The following FILIP1 variants were observed in gnomAD, a reference collection of about 807,000 sequenced individuals.
FILIP1 encodes filamin-A-interacting protein 1.
In FILIP1, 61 loss-of-function variants were observed where a neutral mutation model predicts 102.1. The observed-to-expected ratio is 0.60, with a 90% CI of 0.49 to 0.74. FILIP1 has a LOEUF of 0.74. Ranked by LOEUF, FILIP1 falls within the 30% of genes least tolerant of loss-of-function variation. The pLI, the probability that FILIP1 is intolerant of heterozygous loss-of-function variation, is 0.00. For missense variants in FILIP1, 1,314 were observed against 1,441.2 expected (o/e 0.91, Z 1.43); for synonymous variants, 491 against 526.9 (o/e 0.93, Z 0.93).
chr6:75,365,485 C>G (rs1775298701), intron 2 of FILIP1, among the ~76,000 whole-genome samples: 1 of 152,180 alleles, frequency 6.6e-6, no homozygotes, highest in African/African-American at 2.4e-5. Flanking sequence ...ATTCTCCTGC[C>G]TCCTCAGCAA....
At chr6:75,400,809 T>C (rs1776630516) in intron 2 of FILIP1, among the ~76,000 whole-genome samples, 1 of 152,040 alleles carries the variant, frequency 6.6e-6, no homozygotes, top group East Asian at 1.9e-4. Context: ...AAAGAGACAC[T>C]TTACTTTTAG....
At chr6:75,374,838 C>A (rs1169283019) in intron 2 of FILIP1, among the ~76,000 whole-genome samples, 1 of 152,232 alleles carries the variant, frequency 6.6e-6, no homozygotes, top group Admixed American at 6.5e-5. Context: ...ATCTCTGGTA[C>A]AACTCTGTTT....
intron 2 of FILIP1, among the ~76,000 whole-genome samples, chr6:75,385,409 G>T (rs2808194): frequency 0.037 from 5,628 of 152,246 alleles, 366 homozygotes; most frequent in African/African-American, 0.13. Context: ...ATAGCAGCTT[G>T]TCAATAGCAG....
intron 1 of FILIP1, among the ~76,000 whole-genome samples, chr6:75,483,205 T>C (rs924985719): frequency 4.6e-5 from 7 of 152,284 alleles, no homozygotes; most frequent in Admixed American, 2.6e-4. Flanking sequence ...TACCTAAAAA[T>C]GTAGATTTTA....
rs73463780 is a variant in FILIP1 at position 75,484,517 on chromosome 6, G to C, written c.-7+8897C>G. Among the ~76,000 whole-genome samples, 1,479 of 152,236 alleles carry C rather than the reference G, an allele frequency of 9.7e-3. 32 individuals carry two copies. Among genetic ancestry groups the C allele is most frequent in the African/African-American group, 0.034 (1,415 of 41,524 alleles). ...ATAACAGGTTCTCAATATTGGATGC[G>C]AATTAAAATCACACAAAAGCTTAGA... On this transcript the variant is annotated intron_variant, in intron 1 of 5. Coordinates refer to ENST00000237172, the MANE Select transcript of FILIP1 (RefSeq NM_015687.5).
intron 2 of FILIP1, among the ~76,000 whole-genome samples, chr6:75,407,910 G>A (rs2951933): frequency 0.057 from 8,628 of 152,162 alleles, 686 homozygotes; most frequent in African/African-American, 0.17. Flanking sequence ...CTGCACAAAT[G>A]TCCTTTTGCC....
rs534838266 is a variant in FILIP1, at chr6:75,477,259, T to G, written c.-7+16155A>C. ...TAGAAATAGAGAGTAAAATGATGGT[T>G]ACCGGACGCTTGGAGTTGGGGAGAG... On this transcript the variant is annotated intron_variant, in intron 1 of 5. Coordinates refer to ENST00000237172, the MANE Select transcript of FILIP1 (RefSeq NM_015687.5). Among the ~76,000 whole-genome samples the G allele has an allele frequency of 3.2e-4, 49 of 152,286 alleles. 1 individual carries two copies. The highest frequency in any genetic ancestry group is 1.2e-3 in the African/African-American group (48 of 41,562).
chr6:75,350,974 C>T (rs1261493219), intron 4 of FILIP1, among the ~76,000 whole-genome samples: 1 of 152,198 alleles, frequency 6.6e-6, no homozygotes, highest in Non-Finnish European at 1.5e-5. Context: ...TGTAGATAGC[C>T]TTGTGCCACA....
Position 75,313,972 on chromosome 6 carries a change from C to A in FILIP1, c.1860G>T (p.Glu620Asp). The change falls in exon 5 of 6, where the codon GAG becomes GAT. Residue 620 changes from glutamate to aspartate, a missense_variant. By Grantham distance (45) the Glu-to-Asp change is conservative. Transcript: ENST00000237172. The surrounding 1 kb of genome is among the most constrained non-coding windows in gnomAD (Gnocchi z 4.2). The stretch of plus-strand genomic sequence containing the variant: ...TCTTATTATCTTCCGGGCAGGTGAG[C>A]TCAGACCCTTTTCGTGACCTTCCTC... ...ITRGRSRKGS[E>D]LTCPEDNKIK... 2 of 1,589,994 alleles carry A rather than the reference C, an allele frequency of 1.3e-6. No individual in the cohort carries two copies. The highest frequency in any genetic ancestry group is 1.8e-5 in the Admixed American group (1 of 54,424).
intron 2 of FILIP1, among the ~76,000 whole-genome samples, chr6:75,409,929 C>T (rs900176185): frequency 6.6e-6 from 1 of 152,096 alleles, no homozygotes; most frequent in African/African-American, 2.4e-5. Flanking sequence ...GCACCTATTC[C>T]CTATCCCCTT....
rs2703712 is a variant in FILIP1 at position 75,427,612 on chromosome 6, C to T, written c.-6-12634G>A. 2.0e-3 allele frequency among the ~76,000 whole-genome samples: 299 copies of T among 152,266 alleles called. 1 individual carries two copies. The highest frequency in any genetic ancestry group is 6.1e-3 in the African/African-American group (252 of 41,554). Reference sequence around the variant, plus strand: ...GGTACAGGAGTACTCTGCCCCAAAACTATCGATTGCGTCTCTCTCTGCCCC... The same window carrying T: ...GGTACAGGAGTACTCTGCCCCAAAATTATCGATTGCGTCTCTCTCTGCCCC... On this transcript the variant is annotated intron_variant, in intron 1 of 5. Coordinates refer to ENST00000237172, the MANE Select transcript of FILIP1 (RefSeq NM_015687.5).
chr6:75,309,256 C>G (rs926380585), intron 5 of FILIP1, among the ~76,000 whole-genome samples: 3 of 152,182 alleles, frequency 2.0e-5, no homozygotes, highest in Non-Finnish European at 4.4e-5. Context: ...TAACTCTACA[C>G]TCCCTCCTTT....
chr6:75,331,286 C>A (rs151040598), intron 4 of FILIP1, among the ~76,000 whole-genome samples: 3 of 152,190 alleles, frequency 2.0e-5, no homozygotes, highest in African/African-American at 7.2e-5. Context: ...ACAGAAATGG[C>A]TGGTATTTTC....
chr6:75,345,334 T>C lies in FILIP1; in HGVS notation c.629+8205A>G, dbSNP rs1774540558. Among the ~76,000 whole-genome samples, 3 of 151,436 alleles carry C rather than the reference T, an allele frequency of 2.0e-5. No homozygotes were observed. In the South Asian group the frequency reaches 6.2e-4, roughly 31 times the overall value. Reference sequence around the variant, plus strand: ...GTCCTTGGTAAGGTTTTCCTTTTAATGAAAAACAGCCCCCAAATCTTTTTT... The same window carrying C: ...GTCCTTGGTAAGGTTTTCCTTTTAACGAAAAACAGCCCCCAAATCTTTTTT... On this transcript the variant is annotated intron_variant, in intron 4 of 5. Coordinates refer to ENST00000237172, the MANE Select transcript of FILIP1 (RefSeq NM_015687.5).
chr6:75,358,536 T>C (rs1220357250), intron 3 of FILIP1: 2 of 152,066 alleles, frequency 1.3e-5, no homozygotes, highest in Non-Finnish European at 2.9e-5. Context: ...TGAGCTCATC[T>C]GGGGGCCCTT....
intron 1 of FILIP1, among the ~76,000 whole-genome samples, chr6:75,429,252 A>G (rs1777738369): frequency 6.6e-6 from 1 of 152,166 alleles, no homozygotes; most frequent in African/African-American, 2.4e-5. Flanking sequence ...AAACCAATTG[A>G]GTTTGGGTCC....
intron 4 of FILIP1, among the ~76,000 whole-genome samples, chr6:75,329,081 T>C (rs1344734649): frequency 6.6e-6 from 1 of 152,254 alleles, no homozygotes; most frequent in Non-Finnish European, 1.5e-5. Context: ...AATTTATCTT[T>C]CTTCTTATGG....
chr6:75,310,850 A>G (rs1212534584), intron 5 of FILIP1, among the ~76,000 whole-genome samples: 1 of 152,240 alleles, frequency 6.6e-6, no homozygotes, highest in Non-Finnish European at 1.5e-5. Context: ...GCCAATAAGT[A>G]AAAGCTTTAC....
chr6:75,298,163 C>T (rs1002976235), intron 6 of FILIP1, among the ~76,000 whole-genome samples: 13 of 151,980 alleles, frequency 8.6e-5, no homozygotes, highest in African/African-American at 2.4e-4. Flanking sequence ...AATAAGGGTC[C>T]GTACACAGAA....
Sources: gnomAD v4.1 joint callset for allele counts (sites outside exome capture counted in the v4.1 genomes callset) on GRCh38, gnomAD v4.1.1 for gene constraint, Gnocchi (gnomAD v3.1) non-coding constraint, MANE v1.5 for transcripts, NCBI Gene and HGNC (gene_info 2026-07-23, HGNC 2026-07-21) for gene names.